The following ERGIC1 variants were observed in gnomAD, a reference collection of about 807,000 sequenced individuals.
ERGIC1 encodes the protein endoplasmic reticulum-golgi intermediate compartment 1, also known as endoplasmic reticulum-Golgi intermediate compartment protein 1.
In ERGIC1, 19 loss-of-function variants were observed where a neutral mutation model predicts 38.3. That is an observed-to-expected ratio of 0.50 (90% CI 0.35 to 0.73). The LOEUF (loss-of-function observed/expected upper bound fraction) is 0.73. Among genes scored for constraint, ERGIC1 ranks in the 30% least tolerant of loss-of-function variants. ERGIC1 has a pLI of 0.01. For missense variants in ERGIC1, 294 were observed against 389.2 expected, an observed-to-expected ratio of 0.76 and a Z score of 2.06; for synonymous variants, 124 against 157.6, an observed-to-expected ratio of 0.79 and a Z score of 1.60.
intron 3 of ERGIC1, among the ~76,000 whole-genome samples, chr5:172,897,420 C>T (rs187837816): frequency 7.3e-6 from 1 of 136,912 alleles, no homozygotes; most frequent in African/African-American, 2.9e-5. Flanking sequence ...CAAAGCAAGA[C>T]CCTGTTTCAA....
At chr5:172,929,192 T>TA in intron 7 of ERGIC1, among the ~76,000 whole-genome samples, 1 of 151,726 alleles carries the variant, frequency 6.6e-6, no homozygotes, top group Non-Finnish European at 1.5e-5. Context: ...TACACACACA[T>TA]ACATATATAT....
chr5:172,920,344 C>T (rs1270335579), intron 5 of ERGIC1: 1 of 717,866 alleles, frequency 1.4e-6, no homozygotes, highest in East Asian at 2.7e-5. Context: ...TGTCCCATGG[C>T]CTCCTTATCC....
At chr5:172,840,248 C>T (rs967809621) in intron 1 of ERGIC1, among the ~76,000 whole-genome samples, 1 of 152,152 alleles carries the variant, frequency 6.6e-6, no homozygotes, top group Non-Finnish European at 1.5e-5. Context: ...CTCCCAAGGC[C>T]GTTTGGATTC....
At chr5:172,886,354 C>G (rs928739069) in intron 1 of ERGIC1, among the ~76,000 whole-genome samples, 2 of 152,138 alleles carry the variant, frequency 1.3e-5, no homozygotes, top group African/African-American at 2.4e-5. Context: ...TCTTCTCCCC[C>G]TCCTGCTCTG....
intron 3 of ERGIC1, among the ~76,000 whole-genome samples, chr5:172,900,087 G>A (rs1000559434): frequency 6.6e-6 from 1 of 152,184 alleles, no homozygotes; most frequent in Non-Finnish European, 1.5e-5. Context: ...ACAGCGTGTG[G>A]GGTGGCATTC....
intron 3 of ERGIC1, among the ~76,000 whole-genome samples, chr5:172,898,995 C>T (rs531117891): frequency 6.6e-6 from 1 of 152,266 alleles, no homozygotes; most frequent in Non-Finnish European, 1.5e-5. Context: ...CACCCACTGG[C>T]CTCTGCAGGC....
intron 3 of ERGIC1, among the ~76,000 whole-genome samples, chr5:172,905,706 C>A (rs1182601548): frequency 6.6e-6 from 1 of 151,134 alleles, no homozygotes; most frequent in Non-Finnish European, 1.5e-5. Flanking sequence ...CGACTGCGAT[C>A]AGCACCACGA....
At chr5:172,935,396 T>C in intron 9 of ERGIC1, 86 bp downstream of exon 9, 2 of 1,581,352 alleles carry the variant, frequency 1.3e-6, no homozygotes, top group African/African-American at 1.3e-5. Flanking sequence ...CCCTCACCTG[T>C]TCTCGCTGAA....
intron 1 of ERGIC1, among the ~76,000 whole-genome samples, chr5:172,872,480 A>G (rs1162732301): frequency 6.6e-6 from 1 of 152,166 alleles, no homozygotes; most frequent in African/African-American, 2.4e-5. Context: ...ACCAGAACTC[A>G]GCCTTGACTT....
rs1262877526 is a variant in ERGIC1 at position 172,846,393 on chromosome 5, AG to A, written c.20+11962del. Among the ~76,000 whole-genome samples the A allele has an allele frequency of 6.6e-6, 1 of 152,210 alleles. No homozygotes were observed. The highest frequency in any genetic ancestry group is 2.4e-5 in the African/African-American group (1 of 41,452). On this transcript the variant is annotated intron_variant, in intron 1 of 9. Coordinates refer to ENST00000393784, the MANE Select transcript of ERGIC1 (RefSeq NM_001031711.3). The surrounding 1 kb of genome is among the most constrained non-coding windows in gnomAD (Gnocchi z 4.0). ...CAGCAGCGTAAGATGGGGCAGGAGA[AG>A]GAGCTTGTAAGAACCCATTGTCCTC...
chr5:172,879,211 A>G (rs1762221217), intron 1 of ERGIC1, among the ~76,000 whole-genome samples: 1 of 152,240 alleles, frequency 6.6e-6, no homozygotes, highest in African/African-American at 2.4e-5. Context: ...CTGCTATGAA[A>G]AGAAATTACA....
chr5:172,857,284 A>T (rs1761573905), intron 1 of ERGIC1, among the ~76,000 whole-genome samples: 1 of 152,156 alleles, frequency 6.6e-6, no homozygotes, highest in African/African-American at 2.4e-5. Flanking sequence ...GACGTAGCTG[A>T]GGTAGGGTCT....
intron 9 of ERGIC1, among the ~76,000 whole-genome samples, chr5:172,943,506 G>C (rs1764056060): frequency 6.6e-6 from 1 of 152,010 alleles, no homozygotes; most frequent in Non-Finnish European, 1.5e-5. Flanking sequence ...TTCCTCATGC[G>C]GCGCCTCCTC....
At chr5:172,932,703 C>A (rs1321797405) in intron 8 of ERGIC1, 167 bp downstream of exon 8, 3 of 641,898 alleles carry the variant, frequency 4.7e-6, no homozygotes, top group Non-Finnish European at 5.4e-6. Flanking sequence ...AATTGAAAAG[C>A]CCAGTCCCTG....
At position 172,920,274 on chromosome 5, in the gene ERGIC1, C is replaced by T. The variant is rs1763477109; in HGVS notation, c.376-3731C>T. The T allele has an allele frequency of 7.0e-6, 5 of 715,548 alleles. No homozygotes were observed. In the East Asian group the frequency reaches 1.1e-4, roughly 15 times the overall value. 44.3% of individuals were successfully genotyped at this position (715,548 alleles called of 1,614,324 possible). ...CAAAGAAGCCACCAGGGTCCATGTG[C>T]TGTGATGGCAAGGTCAGCAGCCAGC... is the stretch of plus-strand genomic sequence containing the variant. On this transcript the variant is annotated intron_variant, in intron 5 of 9. Coordinates refer to ENST00000393784, the MANE Select transcript of ERGIC1 (RefSeq NM_001031711.3).
At chr5:172,909,808 G>A in intron 4 of ERGIC1, 47 bp downstream of exon 4, 1 of 1,521,824 alleles carries the variant, frequency 6.6e-7, no homozygotes, top group Non-Finnish European at 9.1e-7. Context: ...ACCTCCTTAG[G>A]GCAAATGTGT....
chr5:172,904,006 TACAC>T (rs1011822841), intron 3 of ERGIC1, among the ~76,000 whole-genome samples: 4 of 148,210 alleles, frequency 2.7e-5, no homozygotes, highest in Non-Finnish European at 6.0e-5. Flanking sequence ...CACACTAACA[TACAC>T]ACACTCACTC....
intron 1 of ERGIC1, among the ~76,000 whole-genome samples, chr5:172,862,479 G>A (rs1050207512): frequency 2.6e-5 from 4 of 151,982 alleles, no homozygotes; most frequent in African/African-American, 4.8e-5. Flanking sequence ...GAGCACTCCC[G>A]AGCACAAAGG....
In ERGIC1 at chr5:172,834,567, G is replaced by C; in HGVS notation, c.20+134G>C. ...TGTGCATGCCTCCGCAGGCCCCTAG[G>C]GACCCCAGGCGAGCCCCCCCCCTGC... On this transcript the variant is annotated intron_variant, in intron 1 of 9. Coordinates refer to ENST00000393784, the MANE Select transcript of ERGIC1 (RefSeq NM_001031711.3). This position sits in a 1 kb window ranked among gnomAD's most constrained non-coding sequence, Gnocchi z 4.1. The C allele has an allele frequency of 1.1e-6, 1 of 882,878 alleles. No homozygotes were observed. The highest frequency in any genetic ancestry group is 1.4e-6 in the Non-Finnish European group (1 of 695,368). 54.7% of individuals were successfully genotyped at this position (882,878 alleles called of 1,614,324 possible).
Sources: gnomAD v4.1 joint callset for allele counts (sites outside exome capture counted in the v4.1 genomes callset) on GRCh38, gnomAD v4.1.1 for gene constraint, Gnocchi (gnomAD v3.1) non-coding constraint, MANE v1.5 for transcripts, NCBI Gene and HGNC (gene_info 2026-07-23, HGNC 2026-07-21) for gene names.